The following DOCK3 variants were observed in gnomAD, a reference collection of about 807,000 sequenced individuals.
DOCK3 encodes the protein dedicator of cytokinesis protein 3.
In DOCK3, 60 loss-of-function variants were observed where a neutral mutation model predicts 265.6. The ratio of observed to expected loss-of-function variants is 0.23; its 90% CI spans 0.18 to 0.28. The LOEUF is 0.28. Among genes scored for constraint, DOCK3 ranks in the 10% least tolerant of loss-of-function variants. The pLI is 1.00. For synonymous variants in DOCK3, 881 were observed against 938.0 expected, an observed-to-expected ratio of 0.94 and a Z score of 1.11; for missense variants, 1,981 against 2,594.3, an observed-to-expected ratio of 0.76 and a Z score of 5.14.
chr3:51,235,306 A>G (rs1560257581), intron 19 of DOCK3, among the ~76,000 whole-genome samples: 1 of 152,248 alleles, frequency 6.6e-6, no homozygotes, highest in African/African-American at 2.4e-5. Context: ...GAAAATATCA[A>G]CCAGTAAACG....
At chr3:51,216,762 G>T (rs746356922) in intron 14 of DOCK3, among the ~76,000 whole-genome samples, 15 of 152,208 alleles carry the variant, frequency 9.9e-5, no homozygotes, top group Non-Finnish European at 2.1e-4. Flanking sequence ...AACAGGAAAA[G>T]TGTGCAGGAG....
At chr3:50,963,764 C>T (rs894010426) in intron 5 of DOCK3, among the ~76,000 whole-genome samples, 8 of 152,182 alleles carry the variant, frequency 5.3e-5, no homozygotes, top group African/African-American at 1.7e-4. Flanking sequence ...ATCTCCTCTG[C>T]ATTGCATTGC....
At chr3:50,849,573 C>T (rs922957729) in intron 3 of DOCK3, among the ~76,000 whole-genome samples, 1 of 150,966 alleles carries the variant, frequency 6.6e-6, no homozygotes, top group Admixed American at 6.6e-5. Context: ...CCCACCTCAA[C>T]GTCCTGAGTA....
At chr3:50,844,441 G>A (rs778800759) in intron 3 of DOCK3, among the ~76,000 whole-genome samples, 8 of 151,918 alleles carry the variant, frequency 5.3e-5, no homozygotes, top group Admixed American at 1.3e-4. Context: ...GGCGGGTCTC[G>A]AACTCTGGAG....
chr3:51,077,121 T>C (rs550964066), intron 7 of DOCK3, among the ~76,000 whole-genome samples: 1 of 152,066 alleles, frequency 6.6e-6, no homozygotes, highest in South Asian at 2.1e-4. Flanking sequence ...GTAAGAAAAA[T>C]GGCTAGACAG....
chr3:51,247,772 G>A (rs371440581), intron 22 of DOCK3, among the ~76,000 whole-genome samples: 2 of 152,202 alleles, frequency 1.3e-5, no homozygotes, highest in South Asian at 2.1e-4. Flanking sequence ...AATAAGACCA[G>A]CCCATCTTCT....
intron 7 of DOCK3, among the ~76,000 whole-genome samples, chr3:51,079,872 T>C (rs1308061391): frequency 6.6e-6 from 1 of 152,238 alleles, no homozygotes; most frequent in African/African-American, 2.4e-5. Flanking sequence ...TTCTAAACTG[T>C]GGCAAGATCT....
intron 4 of DOCK3, chr3:50,901,744 C>A: frequency 2.2e-6 from 1 of 451,734 alleles, no homozygotes; most frequent in Non-Finnish European, 4.4e-6. Context: ...GACCCTCTTG[C>A]TCTTGCTGGG....
chr3:51,166,045 T>C lies in DOCK3; in HGVS notation c.1037+5343T>C. On this transcript the variant is annotated intron_variant, in intron 12 of 52. Coordinates refer to ENST00000266037, the MANE Select transcript of DOCK3 (RefSeq NM_004947.5). Reference sequence around the variant, plus strand: ...TTTTATTCAAAGAACTATATGTATATATATTCTTTTTTTTTTTTTTTTGAG... The same window carrying C: ...TTTTATTCAAAGAACTATATGTATACATATTCTTTTTTTTTTTTTTTTGAG... Among the ~76,000 whole-genome samples the C allele has an allele frequency of 1.3e-5, 2 of 148,898 alleles. 1 individual carries two copies. Among genetic ancestry groups the C allele is most frequent in the South Asian group, 4.2e-4 (2 of 4,782 alleles).
chr3:50,943,409 A>T (rs1006179944), intron 5 of DOCK3, among the ~76,000 whole-genome samples: 1 of 152,150 alleles, frequency 6.6e-6, no homozygotes, highest in African/African-American at 2.4e-5. Context: ...CATTAAAAAA[A>T]TTTAAATAGT....
In DOCK3 at chr3:51,354,978, C is replaced by T; in HGVS notation, c.4204C>T (p.His1402Tyr). The T allele has an allele frequency of 6.2e-7, 1 of 1,613,956 alleles. No homozygotes were observed. Among genetic ancestry groups the T allele is most frequent in the Non-Finnish European group, 8.5e-7 (1 of 1,179,870 alleles). Residue 1402 changes from histidine to tyrosine, a missense_variant, in exon 41 of 53, where the codon CAC (histidine) becomes TAC (tyrosine). This residue lies in a region of DOCK3 where 1,357 missense variants were observed against 1,866.8 expected (regional missense o/e 0.73). Transcript: ENST00000266037. ...GTTTCCGCAGGCTGTCGCCATGCAG[C>T]ACCCCAACCATCCTGATGACGCCAT... is the stretch of plus-strand genomic sequence containing the variant. ...SEFPQAVAMQHPNHPDDAILQ... is the reference protein window; with the variant it reads ...SEFPQAVAMQYPNHPDDAILQ...
chr3:50,698,206 C>T (rs1017294495), intron 1 of DOCK3, among the ~76,000 whole-genome samples: 1 of 151,950 alleles, frequency 6.6e-6, no homozygotes, highest in East Asian at 1.9e-4. Context: ...CCGGGCACCC[C>T]CTAATTGGCT....
At chr3:51,273,050 T>A (rs2080597692) in intron 24 of DOCK3, among the ~76,000 whole-genome samples, 1 of 150,864 alleles carries the variant, frequency 6.6e-6, no homozygotes, top group African/African-American at 2.4e-5. Flanking sequence ...TAGTCCCAGC[T>A]ACTCAGGAAG....
At chr3:50,793,601 A>T (rs1481705177) in intron 2 of DOCK3, among the ~76,000 whole-genome samples, 1 of 151,640 alleles carries the variant, frequency 6.6e-6, no homozygotes. Flanking sequence ...CACGTGATCC[A>T]CCTGCCTCAG....
At chr3:51,371,903 C>T (rs563161346) in intron 49 of DOCK3, among the ~76,000 whole-genome samples, 12 of 152,342 alleles carry the variant, frequency 7.9e-5, no homozygotes, top group Admixed American at 1.3e-4. Flanking sequence ...CTGAGCAAGA[C>T]AGTATACAAG....
At position 51,374,729 on chromosome 3, in the gene DOCK3, C is replaced by A; in HGVS notation, c.5412+142C>A. 1 of 796,932 alleles carries A rather than the reference C, an allele frequency of 1.3e-6. No individual in the cohort carries two copies. Among genetic ancestry groups the A allele is most frequent in the Non-Finnish European group, 2.0e-6 (1 of 493,322 alleles). The allele number at this position is 796,932 out of a possible 1,614,324, so 49.4% of individuals were successfully genotyped here. A position where few individuals can be genotyped will look rare whatever the true frequency, so the allele number is the denominator to read the frequency against. On this transcript the variant is annotated intron_variant, in intron 50 of 52. Coordinates refer to ENST00000266037, the MANE Select transcript of DOCK3 (RefSeq NM_004947.5). This position sits in a 1 kb window ranked among gnomAD's most constrained non-coding sequence, Gnocchi z 4.8. The stretch of plus-strand genomic sequence containing the variant: ...GATCCCGCAAAAGGCCGCTGGGCTT[C>A]TGGATGTGGAGTGCAGTGAACCTGA...
chr3:50,696,549 TGAA>T lies in DOCK3; in HGVS notation c.37+21257_37+21259del, dbSNP rs1194484394. 2.6e-5 allele frequency among the ~76,000 whole-genome samples: 4 copies of T among 152,244 alleles called. No homozygotes were observed. In the South Asian group the frequency reaches 8.3e-4, roughly 32 times the overall value. On this transcript the variant is annotated intron_variant, in intron 1 of 52. Transcript: ENST00000266037. ...TGATGAGTGAATAGGATTTTGTGAG[TGAA>T]GAAGAAGCATGAGAGCAAATTCAGG...
rs139504714 is a variant in DOCK3 at position 51,095,251 on chromosome 3, G to T, written c.746+4867G>T. Among the ~76,000 whole-genome samples, 782 of 152,238 alleles carry T rather than the reference G, an allele frequency of 5.1e-3. 3 individuals carry two copies. The highest frequency in any genetic ancestry group is 8.5e-3 in the Non-Finnish European group (576 of 68,018). The stretch of plus-strand genomic sequence containing the variant: ...CATTCGTTGATACAGTTTCTTCATA[G>T]TGTGGATGGTCTTTACAATTTGGTA... On this transcript the variant is annotated intron_variant, in intron 9 of 52. Transcript: ENST00000266037.
At chr3:51,203,982 A>T (rs1049970332) in intron 12 of DOCK3, among the ~76,000 whole-genome samples, 2 of 152,194 alleles carry the variant, frequency 1.3e-5, no homozygotes, top group African/African-American at 4.8e-5. Context: ...CTGAAACTGG[A>T]TCCCTTCCTT....
Sources: allele counts gnomAD v4.1 joint callset (sites outside exome capture counted in the v4.1 genomes callset), GRCh38; gene constraint gnomAD v4.1.1; regional missense constraint gnomAD v4.1.1; non-coding constraint Gnocchi (gnomAD v3.1); transcripts MANE v1.5; gene names NCBI Gene and HGNC (gene_info 2026-07-23, HGNC 2026-07-21).